Variants in SLC12A1 observed in about 807,000 individuals in gnomAD.
SLC12A1 encodes the protein solute carrier family 12 member 1, also known as Na-K-2Cl cotransporter.
Under a neutral mutation model 130.4 loss-of-function variants are expected in SLC12A1, and 89 were observed. The observed-to-expected ratio is 0.68, with a 90% CI of 0.58 to 0.81. The LOEUF is 0.81. Among genes scored for constraint, SLC12A1 ranks in the 40% least tolerant of loss-of-function variants. SLC12A1 has a pLI of 0.00. For synonymous variants in SLC12A1, 499 were observed against 460.0 expected (o/e 1.08, Z -1.09); for missense variants, 1,310 against 1,336.4 (o/e 0.98, Z 0.31).
Position 48,254,621 on chromosome 15 carries a change from AAAAAAAAAAC to A in SLC12A1, c.1943-1189_1943-1180del, listed in dbSNP as rs1201268194. Among the ~76,000 whole-genome samples, 4 of 142,626 alleles carry A rather than the reference AAAAAAAAAAC, an allele frequency of 2.8e-5. 1 individual carries two copies. Among genetic ancestry groups the A allele is most frequent in the African/African-American group, 1.1e-4 (4 of 36,548 alleles). The allele number at this position is 142,626 out of a possible 152,430, so 93.6% of individuals were successfully genotyped here. On this transcript the variant is annotated intron_variant, in intron 15 of 26. Coordinates refer to ENST00000380993, the MANE Select transcript of SLC12A1 (RefSeq NM_000338.3). ...AAAAAAAAAAAAAAAAAAAAAAAAA[AAAAAAAAAAC>A]CCAAAAAAGACCGGGCACGGTGGCT... is the stretch of plus-strand genomic sequence containing the variant.
chr15:48,241,361 C>T (rs1207224214), intron 9 of SLC12A1, among the ~76,000 whole-genome samples, 154 bp from the exon 10 acceptor site: 1 of 152,192 alleles, frequency 6.6e-6, no homozygotes, highest in African/African-American at 2.4e-5. Context: ...CAAAATAAAG[C>T]TCAAGCTCAT....
At chr15:48,274,800 T>C in intron 20 of SLC12A1, 147 bp downstream of exon 20, 1 of 553,332 alleles carries the variant, frequency 1.8e-6, no homozygotes, top group Non-Finnish European at 3.2e-6. Flanking sequence ...GTGCATATAG[T>C]TCCCCCAGTA....
Position 48,207,988 on chromosome 15 carries a change from A to T in SLC12A1, c.269A>T (p.Asp90Val), listed in dbSNP as rs2041002006. The T allele has an allele frequency of 1.9e-6, 3 of 1,613,880 alleles. No individual in the cohort carries two copies. Among genetic ancestry groups the T allele is most frequent in the Admixed American group, 1.7e-5 (1 of 60,000 alleles). The part of the protein sequence containing the change: ...AKTDASFHAY[D>V]SHTNTYYLQT... ...ACAGATGCCAGTTTTCACGCTTATG[A>T]TTCTCACACAAACACATACTATCTA... Residue 90 changes from aspartate (D) to valine (V), a missense_variant, in exon 2 of 27, where the codon GAT becomes GTT. Transcript: ENST00000380993.
chr15:48,231,087 G>A (rs16960698), intron 7 of SLC12A1, among the ~76,000 whole-genome samples: 12,386 of 152,112 alleles, frequency 0.081, 1,104 homozygotes, highest in African/African-American at 0.22. Context: ...ATATTCCTAC[G>A]AGCCTGTGGA....
intron 5 of SLC12A1, chr15:48,227,190 T>C (rs1182712185): frequency 6.8e-7 from 1 of 1,460,060 alleles, no homozygotes; most frequent in East Asian, 2.5e-5. Context: ...CCAATTAATT[T>C]ACTTATGACT....
intron 4 of SLC12A1, chr15:48,225,588 G>A (rs980431843): frequency 5.3e-5 from 8 of 152,062 alleles, no homozygotes; most frequent in South Asian, 2.1e-4. Flanking sequence ...AAGATGGGGT[G>A]CACATTAAAT....
At chr15:48,249,419 T>A (rs761240219) in intron 13 of SLC12A1, among the ~76,000 whole-genome samples, 156 bp from the exon 14 acceptor site, 16 of 152,194 alleles carry the variant, frequency 1.1e-4, no homozygotes, top group Non-Finnish European at 1.6e-4. Context: ...AGAGTAAATA[T>A]GTATCCCCAA....
chr15:48,251,117 C>T (rs1333659810), intron 14 of SLC12A1, among the ~76,000 whole-genome samples: 1 of 152,096 alleles, frequency 6.6e-6, no homozygotes, highest in Non-Finnish European at 1.5e-5. Context: ...GCACTGTCCT[C>T]TTAGGGTAAT....
chr15:48,292,597 C>G (rs1348732790), intron 24 of SLC12A1, among the ~76,000 whole-genome samples: 1 of 152,180 alleles, frequency 6.6e-6, no homozygotes, highest in Admixed American at 6.5e-5. Flanking sequence ...TTATTTCTCA[C>G]AGTTCTGGCG....
At chr15:48,297,479 C>T (rs1439078318) in intron 24 of SLC12A1, among the ~76,000 whole-genome samples, 2 of 152,180 alleles carry the variant, frequency 1.3e-5, no homozygotes, top group African/African-American at 4.8e-5. Context: ...AAACACAGTA[C>T]GGATACTGGG....
intron 24 of SLC12A1, 128 bp downstream of exon 24, chr15:48,291,992 G>T: frequency 1.6e-6 from 1 of 633,860 alleles, no homozygotes; most frequent in Non-Finnish European, 2.8e-6. Flanking sequence ...CTAATAAGAA[G>T]AGCCTTCAAA....
At chr15:48,289,050 T>C (rs1038441973) in intron 23 of SLC12A1, among the ~76,000 whole-genome samples, 6 of 151,946 alleles carry the variant, frequency 3.9e-5, no homozygotes, top group African/African-American at 1.5e-4. Context: ...GTTTCTCCTT[T>C]GTAGTTTGAA....
chr15:48,277,728 A>C (rs2041968330), intron 20 of SLC12A1, among the ~76,000 whole-genome samples: 2 of 152,192 alleles, frequency 1.3e-5, no homozygotes, highest in Non-Finnish European at 2.9e-5. Context: ...TGCCTGATCG[A>C]TTCATACTCT....
At chr15:48,220,506 T>C in intron 2 of SLC12A1, 128 bp from the exon 3 acceptor site, 4 of 904,088 alleles carry the variant, frequency 4.4e-6, no homozygotes, top group Non-Finnish European at 6.4e-6. Context: ...ATTCTCAGAA[T>C]ATATTTAGTT....
intron 2 of SLC12A1, among the ~76,000 whole-genome samples, chr15:48,217,617 T>C (rs2041139983): frequency 6.6e-6 from 1 of 152,164 alleles, no homozygotes; most frequent in African/African-American, 2.4e-5. Context: ...TAGGATTCAG[T>C]CCCTTCTTCT....
chr15:48,232,923 T>A, intron 8 of SLC12A1, 85 bp downstream of exon 8: 1 of 783,158 alleles, frequency 1.3e-6, no homozygotes, highest in Admixed American at 2.2e-5. Flanking sequence ...AACCCCAGCC[T>A]TCGGAATGCC....
chr15:48,272,296 A>G (rs200785714), intron 19 of SLC12A1, among the ~76,000 whole-genome samples: 1 of 152,224 alleles, frequency 6.6e-6, no homozygotes, highest in Non-Finnish European at 1.5e-5. Flanking sequence ...TTGTGGCTTT[A>G]TGACTTAAAT....
intron 15 of SLC12A1, among the ~76,000 whole-genome samples, chr15:48,255,295 A>C (rs1376077598): frequency 6.6e-6 from 1 of 151,594 alleles, no homozygotes; most frequent in Non-Finnish European, 1.5e-5. Context: ...AAAATTATCC[A>C]GACATGTTGG....
At position 48,243,160 on chromosome 15, in the gene SLC12A1, T is replaced by C. The variant is rs553620464; in HGVS notation, c.1300+1561T>C. On this transcript the variant is annotated intron_variant, in intron 10 of 26. Transcript: ENST00000380993. ...TCATGGGAATTTGAGAGATCTGTTA[T>C]GCAGAGGTTAAAATACATGATTCAA... is the stretch of plus-strand genomic sequence containing the variant. 8.5e-5 allele frequency among the ~76,000 whole-genome samples: 13 copies of C among 152,232 alleles called. 1 individual carries two copies. In the East Asian group the frequency reaches 1.5e-3, roughly 18 times the overall value.
Sources: allele counts gnomAD v4.1 joint callset (sites outside exome capture counted in the v4.1 genomes callset), GRCh38; gene constraint gnomAD v4.1.1; transcripts MANE v1.5; gene names NCBI Gene and HGNC (gene_info 2026-07-23, HGNC 2026-07-21).